EHBP1: variants seen among roughly 807,000 people sequenced by gnomAD.
EHBP1 encodes EH domain binding protein 1.
Under a neutral mutation model 144.0 loss-of-function variants are expected in EHBP1, and 55 were observed. The ratio of observed to expected loss-of-function variants is 0.38; its 90% CI spans 0.31 to 0.48. EHBP1 has a LOEUF of 0.48. EHBP1 is among the 20% of genes least tolerant of loss of function. The pLI is 0.98. For missense variants in EHBP1, 1,200 were observed against 1,364.2 expected (o/e 0.88, Z 1.90); for synonymous variants, 469 against 472.7 (o/e 0.99, Z 0.10).
chr2:62,870,940 A>G (rs1338040352), intron 9 of EHBP1, among the ~76,000 whole-genome samples: 1 of 151,994 alleles, frequency 6.6e-6, no homozygotes, highest in Non-Finnish European at 1.5e-5. Flanking sequence ...AAAATCTCAG[A>G]GTTACATCAT....
chr2:63,028,681 A>G (rs1428750984), intron 19 of EHBP1, among the ~76,000 whole-genome samples: 1 of 152,186 alleles, frequency 6.6e-6, no homozygotes, highest in Non-Finnish European at 1.5e-5. Flanking sequence ...TCTGGAACAC[A>G]TTTAAAACCT....
intron 15 of EHBP1, among the ~76,000 whole-genome samples, chr2:62,989,334 TACTC>T (rs1045235962): frequency 1.1e-4 from 17 of 152,132 alleles, no homozygotes; most frequent in Non-Finnish European, 2.2e-4. Flanking sequence ...AATTTTTTAA[TACTC>T]AATTTATGGA....
intron 10 of EHBP1, among the ~76,000 whole-genome samples, chr2:62,900,283 C>A (rs970856426): frequency 6.6e-6 from 1 of 152,082 alleles, no homozygotes; most frequent in Non-Finnish European, 1.5e-5. Context: ...ATGATGTTCA[C>A]AGGCTTTTTT....
At chr2:62,845,547 C>G (rs558279336) in intron 7 of EHBP1, among the ~76,000 whole-genome samples, 3 of 152,046 alleles carry the variant, frequency 2.0e-5, no homozygotes, top group African/African-American at 7.2e-5. Flanking sequence ...AGTAGGTATC[C>G]CACCTTTTAT....
At chr2:62,856,738 C>T (rs150132649) in intron 7 of EHBP1, among the ~76,000 whole-genome samples, 1 of 152,220 alleles carries the variant, frequency 6.6e-6, no homozygotes, top group African/African-American at 2.4e-5. Flanking sequence ...ATGACACACA[C>T]ATTAAGTGAG....
intron 2 of EHBP1, among the ~76,000 whole-genome samples, chr2:62,728,161 T>G (rs1171604568): frequency 2.0e-5 from 3 of 152,242 alleles, no homozygotes; most frequent in Non-Finnish European, 4.4e-5. Flanking sequence ...GGTTTGATAT[T>G]TAGATTTCCT....
chr2:62,684,287 T>A (rs1181001932), intron 1 of EHBP1, among the ~76,000 whole-genome samples: 1 of 150,768 alleles, frequency 6.6e-6, no homozygotes, highest in African/African-American at 2.4e-5. Context: ...CAAAGAGAGG[T>A]AGACTCCTTT....
At position 63,038,714 on chromosome 2, in the gene EHBP1, A is replaced by G. The variant is rs186403434; in HGVS notation, c.3204-29A>G. Reference sequence around the variant, plus strand: ...AGTTTTTAATGATTTAGTAATTAGCATATTGATGAACTTTTGCAACTTGCC... The same window carrying G: ...AGTTTTTAATGATTTAGTAATTAGCGTATTGATGAACTTTTGCAACTTGCC... On this transcript the variant is annotated intron_variant, in intron 20 of 22. Transcript: ENST00000431489. The G allele has an allele frequency of 1.6e-3, 2,522 of 1,596,080 alleles. 2 individuals carry two copies. The highest frequency in any genetic ancestry group is 2.1e-3 in the Non-Finnish European group (2,400 of 1,163,970).
intron 14 of EHBP1, among the ~76,000 whole-genome samples, chr2:62,963,092 G>A (rs950514600): frequency 2.0e-5 from 3 of 152,178 alleles, no homozygotes; most frequent in African/African-American, 7.2e-5. Context: ...ACGTGGGAAA[G>A]GATTTTAGTT....
intron 7 of EHBP1, among the ~76,000 whole-genome samples, chr2:62,836,322 C>T (rs1182203386): frequency 1.3e-5 from 2 of 148,892 alleles, no homozygotes; most frequent in African/African-American, 4.9e-5. Flanking sequence ...AAAGGACATC[C>T]ACACCGAAAA....
chr2:62,703,060 G>A (rs187441604), upstream of EHBP1, among the ~76,000 whole-genome samples: 1 of 152,296 alleles, frequency 6.6e-6, no homozygotes, highest in Non-Finnish European at 1.5e-5. Flanking sequence ...TGGAAGCAGT[G>A]GCTCATGCCT....
chr2:62,975,990 C>G (rs1242610285), intron 14 of EHBP1, among the ~76,000 whole-genome samples: 2 of 151,614 alleles, frequency 1.3e-5, no homozygotes, highest in Non-Finnish European at 2.9e-5. Flanking sequence ...CTCCAAAATT[C>G]ATTTCCCACT....
At chr2:62,768,749 G>A (rs920895804) in intron 4 of EHBP1, among the ~76,000 whole-genome samples, 3 of 152,120 alleles carry the variant, frequency 2.0e-5, no homozygotes, top group East Asian at 1.9e-4. Context: ...GATGAACATC[G>A]ATGCAAGAAT....
At chr2:62,910,212 A>G (rs2054109077) in intron 10 of EHBP1, among the ~76,000 whole-genome samples, 1 of 152,178 alleles carries the variant, frequency 6.6e-6, no homozygotes, top group African/African-American at 2.4e-5. Flanking sequence ...CCTTAAACCA[A>G]TGCGAGTTAG....
At chr2:62,703,049 C>A (rs1444389764), upstream of EHBP1, among the ~76,000 whole-genome samples, 1 of 152,112 alleles carries the variant, frequency 6.6e-6, no homozygotes, top group Non-Finnish European at 1.5e-5. Context: ...TATGATCAGG[C>A]TGGAAGCAGT....
chr2:62,871,190 C>A (rs185454074), intron 9 of EHBP1, among the ~76,000 whole-genome samples: 26 of 152,240 alleles, frequency 1.7e-4, no homozygotes, highest in Non-Finnish European at 3.2e-4. Context: ...TTCAGGTATT[C>A]CAAGATACAT....
rs2056830953 is a variant in EHBP1, at chr2:62,942,698, C to T, written c.1186-20C>T. On this transcript the variant is annotated intron_variant, in intron 10 of 22. Coordinates refer to ENST00000431489, the MANE Select transcript of EHBP1 (RefSeq NM_001142616.3). ...TCCATTAAATTCTTTTAATGTTTTC[C>T]CCTTTTCATTTTTTTCTAGCCAAGC... 1.5e-5 allele frequency: 23 copies of T among 1,541,962 alleles called. No homozygotes were observed. The highest frequency in any genetic ancestry group is 7.5e-5 in the South Asian group (6 of 79,618).
intron 5 of EHBP1, among the ~76,000 whole-genome samples, chr2:62,788,487 A>C (rs1175554387): frequency 1.3e-5 from 2 of 152,120 alleles, no homozygotes; most frequent in East Asian, 3.8e-4. Context: ...CCAAAAAAAA[A>C]ACCCTGTTGT....
rs2051844041 is a variant in EHBP1, at chr2:62,885,441, A to G, written c.1185+10909A>G. On this transcript the variant is annotated intron_variant, in intron 10 of 22. Coordinates refer to ENST00000431489, the MANE Select transcript of EHBP1 (RefSeq NM_001142616.3). ...AAAAGATCAATGTTTAGAGAAGTAA[A>G]CTGACATTAAACATGTAACCATCCA... 2.0e-5 allele frequency among the ~76,000 whole-genome samples: 3 copies of G among 152,202 alleles called. No individual in the cohort carries two copies. In the South Asian group the frequency reaches 6.2e-4, roughly 32 times the overall value.
Sources: gnomAD v4.1 joint callset for allele counts (sites outside exome capture counted in the v4.1 genomes callset) on GRCh38, gnomAD v4.1.1 for gene constraint, MANE v1.5 for transcripts, NCBI Gene and HGNC (gene_info 2026-07-23, HGNC 2026-07-21) for gene names.